PIEZO2: variants seen among roughly 807,000 people sequenced by gnomAD.
PIEZO2 encodes piezo-type mechanosensitive ion channel component 2.
A neutral mutation model predicts 337.3 loss-of-function variants in PIEZO2; 172 were observed. That is an observed-to-expected ratio of 0.51 (90% CI 0.45 to 0.58). The LOEUF is 0.58. Among genes scored for constraint, PIEZO2 ranks in the 20% least tolerant of loss-of-function variants. The pLI is 0.00. For missense variants in PIEZO2, 3,028 were observed against 3,391.3 expected (o/e 0.89, Z 2.66); for synonymous variants, 1,251 against 1,228.5 (o/e 1.02, Z -0.38).
chr18:10,902,733 T>G (rs2145014629), intron 4 of PIEZO2, among the ~76,000 whole-genome samples: 1 of 152,330 alleles, frequency 6.6e-6, no homozygotes, highest in Non-Finnish European at 1.5e-5. Context: ...AGTTTACCAC[T>G]GAAATCATAG....
chr18:10,880,980 T>C (rs1212412004), intron 4 of PIEZO2, among the ~76,000 whole-genome samples: 1 of 149,286 alleles, frequency 6.7e-6, no homozygotes, highest in Non-Finnish European at 1.5e-5. Context: ...AAGACTAATA[T>C]ATTTGGTGTA....
At chr18:10,812,841 T>C (rs1180386351) in intron 7 of PIEZO2, among the ~76,000 whole-genome samples, 1 of 152,180 alleles carries the variant, frequency 6.6e-6, no homozygotes, top group Non-Finnish European at 1.5e-5. Flanking sequence ...TTTTCAGGTG[T>C]GCTCCAGACC....
chr18:10,828,302 C>T lies in PIEZO2; in HGVS notation c.918-21028G>A, dbSNP rs1194148146. ...CAATAATGGAAAATTTCCCCAAGTCCAACAATTTAAAGTTATTAAAATTGG... is the reference window on the plus strand; with the variant it reads ...CAATAATGGAAAATTTCCCCAAGTCTAACAATTTAAAGTTATTAAAATTGG... On this transcript the variant is annotated intron_variant, in intron 7 of 55. Transcript: ENST00000674853. The surrounding 1 kb of genome is among the most constrained non-coding windows in gnomAD (Gnocchi z 4.1). 6.6e-6 allele frequency among the ~76,000 whole-genome samples: 1 copy of T among 152,046 alleles called. No individual in the cohort carries two copies. The highest frequency in any genetic ancestry group is 6.6e-5 in the Admixed American group (1 of 15,266).
At chr18:10,882,274 T>C (rs2042441790) in intron 4 of PIEZO2, among the ~76,000 whole-genome samples, 1 of 152,210 alleles carries the variant, frequency 6.6e-6, no homozygotes, top group African/African-American at 2.4e-5. Context: ...AAATACTTTC[T>C]TATTGCTTAA....
chr18:10,699,377 C>A (rs902992593), intron 43 of PIEZO2, among the ~76,000 whole-genome samples, 200 bp from the exon 44 acceptor site: 4 of 152,124 alleles, frequency 2.6e-5, no homozygotes, highest in Non-Finnish European at 5.9e-5. Context: ...TGAGTCATGG[C>A]GGCAGGTCTT....
chr18:10,715,297 G>A (rs1211235585), intron 38 of PIEZO2, among the ~76,000 whole-genome samples: 2 of 152,122 alleles, frequency 1.3e-5, no homozygotes, highest in African/African-American at 4.8e-5. Flanking sequence ...TCAGGTGGGA[G>A]AAAACAAACA....
intron 3 of PIEZO2, among the ~76,000 whole-genome samples, chr18:10,933,444 T>C (rs1027038507): frequency 6.6e-6 from 1 of 152,220 alleles, no homozygotes; most frequent in Non-Finnish European, 1.5e-5. Context: ...TTACTTGTTA[T>C]TTGCCTTTTA....
At chr18:10,891,396 G>GGCAGTT (rs2042751587) in intron 4 of PIEZO2, among the ~76,000 whole-genome samples, 1 of 152,202 alleles carries the variant, frequency 6.6e-6, no homozygotes, top group Non-Finnish European at 1.5e-5. Flanking sequence ...AAACAAGTAA[G>GGCAGTT]GCAGTTGTGT....
At chr18:10,875,945 G>A (rs941368833) in intron 4 of PIEZO2, among the ~76,000 whole-genome samples, 4 of 152,218 alleles carry the variant, frequency 2.6e-5, no homozygotes, top group Non-Finnish European at 5.9e-5. Context: ...CCCCTACTTA[G>A]AATGGAATCA....
chr18:10,702,779 A>G (rs896113644), intron 42 of PIEZO2, among the ~76,000 whole-genome samples: 1 of 152,268 alleles, frequency 6.6e-6, no homozygotes, highest in African/African-American at 2.4e-5. Context: ...ATCAACATCA[A>G]GAATTTCCCA....
At position 10,671,554 on chromosome 18, in the gene PIEZO2, G is replaced by T; in HGVS notation, c.8571C>A (p.Ile2857=). The T allele has an allele frequency of 6.2e-7, 1 of 1,612,678 alleles. No homozygotes were observed. Among genetic ancestry groups the T allele is most frequent in the South Asian group, 1.1e-5 (1 of 90,796 alleles). ...AATTTGTTTTTTCTCTAGTCCATTT[G>T]ATCATTGTCTCTGGTGAGCGATATA... ...IFLYRSPETM[I]KWTREKTN The change falls in exon 56 of 56, where the codon ATC becomes ATA. Residue 2857 remains isoleucine, a synonymous_variant. Coordinates refer to ENST00000674853, the MANE Select transcript of PIEZO2 (RefSeq NM_001378183.1).
intron 33 of PIEZO2, chr18:10,739,397 A>C (rs2037129817): frequency 6.6e-6 from 1 of 152,208 alleles, no homozygotes; most frequent in South Asian, 2.1e-4. Context: ...TATTATTACA[A>C]CTTGTAAGAT....
In PIEZO2 at chr18:10,846,253, G is replaced by A. The variant is rs2041358012; in HGVS notation, c.917+9100C>T. Among the ~76,000 whole-genome samples the A allele has an allele frequency of 2.0e-5, 3 of 152,204 alleles. No individual in the cohort carries two copies. Among genetic ancestry groups the A allele is most frequent in the Non-Finnish European group, 4.4e-5 (3 of 68,034 alleles). The stretch of plus-strand genomic sequence containing the variant: ...CAAGTCACATCTTACACAGATGGCA[G>A]CAGGCAAAGAGAGAGCTCATGCAGG... On this transcript the variant is annotated intron_variant, in intron 7 of 55. Transcript: ENST00000674853. The surrounding 1 kb of genome is among the most constrained non-coding windows in gnomAD (Gnocchi z 4.1).
At chr18:10,762,803 G>C in intron 22 of PIEZO2, 119 bp downstream of exon 22, 5 of 1,347,070 alleles carry the variant, frequency 3.7e-6, no homozygotes, top group African/African-American at 1.5e-5. Context: ...CGACCAGCCA[G>C]GGAGAGGTGA....
chr18:11,088,148 A>G (rs2038966287), intron 1 of PIEZO2, among the ~76,000 whole-genome samples: 1 of 152,240 alleles, frequency 6.6e-6, no homozygotes, highest in Non-Finnish European at 1.5e-5. Flanking sequence ...CCCCACAATT[A>G]TAAGCCCCTG....
chr18:10,682,631 C>T lies in PIEZO2; in HGVS notation c.7498-339G>A, dbSNP rs1308544857. Among the ~76,000 whole-genome samples, 1 of 152,124 alleles carries T rather than the reference C, an allele frequency of 6.6e-6. No individual in the cohort carries two copies. Among genetic ancestry groups the T allele is most frequent in the Non-Finnish European group, 1.5e-5 (1 of 68,022 alleles). On this transcript the variant is annotated intron_variant, in intron 49 of 55. Coordinates refer to ENST00000674853, the MANE Select transcript of PIEZO2 (RefSeq NM_001378183.1). This position sits in a 1 kb window ranked among gnomAD's most constrained non-coding sequence, Gnocchi z 5.6. The stretch of plus-strand genomic sequence containing the variant: ...GGATCAAGTATCCGGCCGAATGAAC[C>T]TTCTGGTTTTAAGGGATTATGTGAG...
chr18:11,039,055 C>A (rs142833470), intron 2 of PIEZO2, among the ~76,000 whole-genome samples: 2 of 152,286 alleles, frequency 1.3e-5, no homozygotes, highest in East Asian at 3.9e-4. Flanking sequence ...CAAGCTCAGG[C>A]AGTCTGTAAG....
chr18:11,071,568 A>C (rs1333686653), intron 1 of PIEZO2, among the ~76,000 whole-genome samples: 1 of 152,222 alleles, frequency 6.6e-6, no homozygotes, highest in Non-Finnish European at 1.5e-5. Flanking sequence ...TTGGAAAGGA[A>C]GTGCTATGTC....
chr18:10,763,795 TG>T (rs1193614786), intron 21 of PIEZO2, among the ~76,000 whole-genome samples: 2 of 152,180 alleles, frequency 1.3e-5, no homozygotes, highest in Non-Finnish European at 2.9e-5. Flanking sequence ...ACACGACTTT[TG>T]GGTGACCCAC....
Sources: gnomAD v4.1 joint callset for allele counts (sites outside exome capture counted in the v4.1 genomes callset) on GRCh38, gnomAD v4.1.1 for gene constraint, Gnocchi (gnomAD v3.1) non-coding constraint, MANE v1.5 for transcripts, NCBI Gene and HGNC (gene_info 2026-07-23, HGNC 2026-07-21) for gene names.